The following BANK1 variants were observed in gnomAD, a reference collection of about 807,000 sequenced individuals.
BANK1 encodes the protein B cell scaffold protein with ankyrin repeats 1, also known as B-cell scaffold protein with ankyrin repeats.
A neutral mutation model predicts 94.5 loss-of-function variants in BANK1; 95 were observed. That is an observed-to-expected ratio of 1.00 (90% CI 0.85 to 1.19). BANK1 has a LOEUF of 1.19. Among genes scored for constraint, BANK1 ranks in the 50% most tolerant of loss-of-function variants. BANK1 has a pLI of 0.00. For missense variants in BANK1, 987 were observed against 932.2 expected (o/e 1.06, Z -0.77); for synonymous variants, 334 against 308.4 (o/e 1.08, Z -0.87).
intron 7 of BANK1, among the ~76,000 whole-genome samples, chr4:101,999,832 C>T (rs1726001355): frequency 6.6e-6 from 1 of 152,122 alleles, no homozygotes; most frequent in Non-Finnish European, 1.5e-5. Context: ...AAACAAAGAA[C>T]AGGCAAAGCT....
intron 7 of BANK1, among the ~76,000 whole-genome samples, chr4:101,986,871 G>T (rs778781516): frequency 2.0e-5 from 1 of 49,710 alleles, no homozygotes. Flanking sequence ...ATATATGTGT[G>T]TATGTGTGTG....
intron 2 of BANK1, among the ~76,000 whole-genome samples, chr4:101,840,875 T>C (rs1727022092): frequency 6.6e-6 from 1 of 152,152 alleles, no homozygotes; most frequent in Admixed American, 6.5e-5. Flanking sequence ...AGGGTCTCAC[T>C]CTAGAATGCA....
intron 5 of BANK1, among the ~76,000 whole-genome samples, chr4:101,873,459 A>T (rs1728372225): frequency 1.3e-5 from 2 of 152,112 alleles, no homozygotes. Context: ...AATCTGCAGG[A>T]TTTAAGTTTC....
chr4:101,851,118 T>C (rs2148872451), intron 2 of BANK1, among the ~76,000 whole-genome samples: 2 of 152,328 alleles, frequency 1.3e-5, no homozygotes, highest in South Asian at 4.1e-4. Context: ...GGATTCTTTC[T>C]TCAAACAATT....
At chr4:101,912,059 A>G (rs1722681662) in intron 6 of BANK1, among the ~76,000 whole-genome samples, 3 of 152,168 alleles carry the variant, frequency 2.0e-5, no homozygotes, top group Admixed American at 1.3e-4. Context: ...ACACATACAC[A>G]CACACACAGA....
In BANK1 at chr4:102,025,051, C is replaced by A. The variant is rs555283730; in HGVS notation, c.1286-150C>A. ...AAAAACCCAGAAATAAATGACTGTT[C>A]ACTAAAAGTTACACATTTGACAGCT... On this transcript the variant is annotated intron_variant, in intron 8 of 16. Transcript: ENST00000322953. The A allele has an allele frequency of 1.6e-5, 13 of 805,584 alleles. 1 individual carries two copies. In the Admixed American group the frequency reaches 3.3e-4, roughly 21 times the overall value. The allele number at this position is 805,584 out of a possible 1,614,324, so 49.9% of individuals were successfully genotyped here.
chr4:101,880,543 A>G (rs972292856), intron 5 of BANK1, among the ~76,000 whole-genome samples: 2 of 152,122 alleles, frequency 1.3e-5, no homozygotes, highest in African/African-American at 2.4e-5. Context: ...TCAAAATACC[A>G]ATCACATTCT....
chr4:101,957,111 A>G (rs1292579956), intron 7 of BANK1, among the ~76,000 whole-genome samples: 1 of 152,148 alleles, frequency 6.6e-6, no homozygotes, highest in Admixed American at 6.5e-5. Flanking sequence ...AACACATACT[A>G]ATGAGAAGAT....
chr4:101,797,447 A>C (rs1725194763), intron 1 of BANK1, among the ~76,000 whole-genome samples: 1 of 152,200 alleles, frequency 6.6e-6, no homozygotes, highest in African/African-American at 2.4e-5. Flanking sequence ...GTGTTAGAAG[A>C]TCACATGAGC....
At chr4:101,862,782 G>A in intron 4 of BANK1, 118 bp downstream of exon 4, 1 of 1,124,864 alleles carries the variant, frequency 8.9e-7, no homozygotes, top group African/African-American at 1.6e-5. Context: ...GGTGTTTCCT[G>A]TGTTTAGTTT....
intron 9 of BANK1, among the ~76,000 whole-genome samples, chr4:102,027,768 A>G (rs1241162971): frequency 1.3e-5 from 2 of 152,042 alleles, no homozygotes; most frequent in African/African-American, 4.8e-5. Context: ...AACATATAAT[A>G]CTATAGAGCA....
intron 7 of BANK1, among the ~76,000 whole-genome samples, chr4:102,005,197 TATTG>T (rs1398682800): frequency 6.6e-6 from 1 of 152,136 alleles, no homozygotes; most frequent in African/African-American, 2.4e-5. Flanking sequence ...AGAATATTTC[TATTG>T]AAGTCTTAAA....
At chr4:101,964,619 C>T (rs1467244998) in intron 7 of BANK1, among the ~76,000 whole-genome samples, 1 of 151,910 alleles carries the variant, frequency 6.6e-6, no homozygotes, top group Non-Finnish European at 1.5e-5. Context: ...AAAGCTATAA[C>T]AGGGTGTCAT....
chr4:101,885,043 G>A (rs113011667), intron 5 of BANK1, among the ~76,000 whole-genome samples: 2,012 of 152,184 alleles, frequency 0.013, 44 homozygotes, highest in African/African-American at 0.046. Flanking sequence ...TCAGTCTCCC[G>A]AGTAGCTGGG....
Position 102,023,976 on chromosome 4 carries a change from T to C in BANK1, c.1286-1225T>C, listed in dbSNP as rs114752582. On this transcript the variant is annotated intron_variant, in intron 8 of 16. Coordinates refer to ENST00000322953, the MANE Select transcript of BANK1 (RefSeq NM_017935.5). ...GAAAAATGAATGAGATCTGTGCAGA[T>C]AGATTGTACAAAAACAAATAACTAT... Among the ~76,000 whole-genome samples the C allele has an allele frequency of 3.8e-3, 572 of 152,318 alleles. 4 individuals carry two copies. The highest frequency in any genetic ancestry group is 0.013 in the African/African-American group (540 of 41,572).
At position 101,834,642 on chromosome 4, in the gene BANK1, C is replaced by CA. The variant is rs5860696; in HGVS notation, c.469+4445dup. Among the ~76,000 whole-genome samples the CA allele has an allele frequency of 1.9e-4, 29 of 150,878 alleles. 1 individual carries two copies. In the South Asian group the frequency reaches 2.7e-3, roughly 14 times the overall value. ...TCTTGTATTTAAATTGAGATCAGTA[C>CA]AAAAAAAAATGGGTGAAATAGGACA... On this transcript the variant is annotated intron_variant, in intron 2 of 16. Coordinates refer to ENST00000322953, the MANE Select transcript of BANK1 (RefSeq NM_017935.5).
At position 101,855,090 on chromosome 4, in the gene BANK1, T is replaced by G; in HGVS notation, c.525T>G (p.Ser175=). Residue 175 remains serine (S), a synonymous_variant, in exon 3 of 17, where the codon TCT becomes TCG. Transcript: ENST00000322953. ...CAACAGACCTACGAGCAAAACATTC[T>G]GGGGAAATAAGTGAGAGAAAGGAAA... ...NIPTDLRAKH[S]GEISERKEIE... 6.2e-7 allele frequency: 1 copy of G among 1,613,604 alleles called. No individual in the cohort carries two copies.
chr4:101,809,764 T>C (rs927615667), intron 1 of BANK1, among the ~76,000 whole-genome samples: 1 of 152,206 alleles, frequency 6.6e-6, no homozygotes, highest in Non-Finnish European at 1.5e-5. Flanking sequence ...GCAGAAAGTA[T>C]ACTGCACATA....
intron 9 of BANK1, among the ~76,000 whole-genome samples, chr4:102,027,670 G>GAAAA (rs57958483): frequency 7.0e-6 from 1 of 141,846 alleles, no homozygotes; most frequent in Non-Finnish European, 1.5e-5. Flanking sequence ...GTTACTGAAG[G>GAAAA]AAAAAAAAAA....
Sources: allele counts gnomAD v4.1 joint callset (sites outside exome capture counted in the v4.1 genomes callset), GRCh38; gene constraint gnomAD v4.1.1; transcripts MANE v1.5; gene names NCBI Gene and HGNC (gene_info 2026-07-23, HGNC 2026-07-21).